Variants in GOLGA8B observed in about 807,000 individuals in gnomAD.
The protein encoded by GOLGA8B is golgin subfamily A member 8B.
Under a neutral mutation model 15.6 loss-of-function variants are expected in GOLGA8B, and 1 was observed. That is an observed-to-expected ratio of 0.06 (90% confidence interval 0.02 to 0.30). The LOEUF is 0.30. GOLGA8B is among the 10% of genes least tolerant of loss of function. The probability of loss-of-function intolerance (pLI) is 1.00; values close to 1 mark genes in which losing one functional copy is unlikely to be tolerated. For missense variants in GOLGA8B, 17 were observed against 201.3 expected, an observed-to-expected ratio of 0.08 and a Z score of 5.54; for synonymous variants, 9 against 80.3, an observed-to-expected ratio of 0.11 and a Z score of 4.75.
intron 3 of GOLGA8B, among the ~76,000 whole-genome samples, chr15:34,552,092 G>A (rs1170441869): frequency 8.6e-6 from 1 of 116,606 alleles, no homozygotes; most frequent in Non-Finnish European, 1.8e-5. Flanking sequence ...TAGAGAGGTG[G>A]AAAATAATCA....
At chr15:34,567,761 A>G (rs2065644399) in intron 1 of GOLGA8B, among the ~76,000 whole-genome samples, 1 of 151,888 alleles carries the variant, frequency 6.6e-6, no homozygotes, top group Non-Finnish European at 1.5e-5. Flanking sequence ...GTTACCATAC[A>G]GATTACTGGT....
chr15:34,525,986 G>C lies in GOLGA8B; in HGVS notation c.*1646C>G, dbSNP rs980132084. The C allele has an allele frequency of 1.3e-5, 2 of 149,240 alleles. No homozygotes were observed. Among genetic ancestry groups the C allele is most frequent in the African/African-American group, 5.0e-5 (2 of 40,322 alleles). The allele number at this position is 149,240 out of a possible 1,614,324, so 9.2% of individuals were successfully genotyped here. ...TGGAACACAGACATTAGAACTTCAT[G>C]AAGTTTTAACTGTTGATTCTTTCCC... On this transcript the variant is annotated 3_prime_UTR_variant, in exon 24 of 24. Coordinates refer to ENST00000683415, the MANE Select transcript of GOLGA8B (RefSeq NM_001023567.5).
In GOLGA8B at chr15:34,525,264, T is replaced by G. The variant is rs1463869973; in HGVS notation, c.*2368A>C. ...TTTTCAAGATGCGCAAAATAAAATTTTAAGGCAAAAACAGCACTTTGCAAC... is the reference window on the plus strand; with the variant it reads ...TTTTCAAGATGCGCAAAATAAAATTGTAAGGCAAAAACAGCACTTTGCAAC... On this transcript the variant is annotated 3_prime_UTR_variant, in exon 24 of 24. Transcript: ENST00000683415. The G allele has an allele frequency of 6.7e-6, 1 of 149,946 alleles. No individual in the cohort carries two copies. The highest frequency in any genetic ancestry group is 6.8e-5 in the Admixed American group (1 of 14,740). The allele number at this position is 149,946 out of a possible 1,614,324, so 9.3% of individuals were successfully genotyped here.
At chr15:34,575,076 A>C (rs1474125426) in intron 1 of GOLGA8B, among the ~76,000 whole-genome samples, 1 of 151,086 alleles carries the variant, frequency 6.6e-6, no homozygotes, top group Non-Finnish European at 1.5e-5. Context: ...GAACAGGGGC[A>C]ATTTAATCTA....
chr15:34,577,215 CAG>C (rs1412859980), intron 1 of GOLGA8B, among the ~76,000 whole-genome samples: 3 of 152,100 alleles, frequency 2.0e-5, no homozygotes, highest in Non-Finnish European at 4.4e-5. Context: ...GACTGAGAAA[CAG>C]AAACTGTGTT....
intron 1 of GOLGA8B, among the ~76,000 whole-genome samples, chr15:34,562,520 T>A (rs2140344241): frequency 8.2e-6 from 1 of 122,450 alleles, no homozygotes; most frequent in East Asian, 2.3e-4. Flanking sequence ...AGATGTAATA[T>A]ATTCACAAGT....
At chr15:34,569,328 C>T (rs1490370521) in intron 1 of GOLGA8B, among the ~76,000 whole-genome samples, 2 of 150,932 alleles carry the variant, frequency 1.3e-5, no homozygotes, top group East Asian at 1.9e-4. Flanking sequence ...GCCTTGGACC[C>T]ACGCCTCCCG....
rs1415964667 is a variant in GOLGA8B, at chr15:34,570,514, C to A, written c.-1123+13002G>T. On this transcript the variant is annotated intron_variant, in intron 1 of 23. Transcript: ENST00000683415. ...CCAGTCAAAGAGCCAACCCACTGAC[C>A]ATGAAGCAGAAAGGCCCTCCTGAGG... Among the ~76,000 whole-genome samples, 3 of 113,452 alleles carry A rather than the reference C, an allele frequency of 2.6e-5. No homozygotes were observed. The East Asian group carries it at 7.0e-4, about 26-fold the overall frequency. The allele number at this position is 113,452 out of a possible 152,430, so 74.4% of individuals were successfully genotyped here. A position where few individuals can be genotyped will look rare whatever the true frequency, so the allele number is the denominator to read the frequency against.
rs868326872 is a variant in GOLGA8B at position 34,565,172 on chromosome 15, G to A, written c.-1122-11216C>T. Among the ~76,000 whole-genome samples, 86 of 124,938 alleles carry A rather than the reference G, an allele frequency of 6.9e-4. 1 individual carries two copies. The highest frequency in any genetic ancestry group is 8.3e-3 in the Middle Eastern group (2 of 242). 82.0% of individuals were successfully genotyped at this position (124,938 alleles called of 152,430 possible). A position where few individuals can be genotyped will look rare whatever the true frequency, so the allele number is the denominator to read the frequency against. On this transcript the variant is annotated intron_variant, in intron 1 of 23. Coordinates refer to ENST00000683415, the MANE Select transcript of GOLGA8B (RefSeq NM_001023567.5). Reference sequence around the variant, plus strand: ...TTTTTTGAGACGGAGTCTCACTCTTGTCGCCCAGGCTGGAGTGCAATGGTG... The same window carrying A: ...TTTTTTGAGACGGAGTCTCACTCTTATCGCCCAGGCTGGAGTGCAATGGTG...
At chr15:34,581,161 T>C (rs1225275111) in intron 1 of GOLGA8B, among the ~76,000 whole-genome samples, 1 of 152,184 alleles carries the variant, frequency 6.6e-6, no homozygotes, top group East Asian at 1.9e-4. Flanking sequence ...CAGACCATGG[T>C]GTCACCTGAG....
rs112808701 is a variant in GOLGA8B, at chr15:34,574,303, C to CT, written c.-1123+9212dup. On this transcript the variant is annotated intron_variant, in intron 1 of 23. Transcript: ENST00000683415. The stretch of plus-strand genomic sequence containing the variant: ...AGAGCTTTCTCTCCTTCAAATCAGA[C>CT]TTTTTTTTTTTTTTTTGAGAGAGAG... Among the ~76,000 whole-genome samples, 1,004 of 144,498 alleles carry CT rather than the reference C, an allele frequency of 6.9e-3. 4 individuals carry two copies. Among genetic ancestry groups the CT allele is most frequent in the Middle Eastern group, 0.032 (9 of 280 alleles). 94.8% of individuals were successfully genotyped at this position (144,498 alleles called of 152,430 possible).
intron 1 of GOLGA8B, among the ~76,000 whole-genome samples, chr15:34,557,025 A>C (rs1055829087): frequency 2.1e-5 from 3 of 142,800 alleles, no homozygotes; most frequent in Non-Finnish European, 3.1e-5. Context: ...CAGACTCAGG[A>C]CTAAAGCCGG....
At chr15:34,559,231 A>C (rs1015280571) in intron 1 of GOLGA8B, among the ~76,000 whole-genome samples, 10 of 147,146 alleles carry the variant, frequency 6.8e-5, no homozygotes, top group Admixed American at 4.9e-4. Context: ...CAGGAAGTAG[A>C]ATGCGGGTGG....
In GOLGA8B at chr15:34,525,760, C is replaced by G. The variant is rs1339192211; in HGVS notation, c.*1872G>C. On this transcript the variant is annotated 3_prime_UTR_variant, in exon 24 of 24. Coordinates refer to ENST00000683415, the MANE Select transcript of GOLGA8B (RefSeq NM_001023567.5). Reference sequence around the variant, plus strand: ...AGTTGAAGTCACAAGGACCCAATATCTGCCCTCTTTCAGTGAATGCCGGCA... The same window carrying G: ...AGTTGAAGTCACAAGGACCCAATATGTGCCCTCTTTCAGTGAATGCCGGCA... The G allele has an allele frequency of 6.7e-6, 1 of 149,550 alleles. No homozygotes were observed. The highest frequency in any genetic ancestry group is 1.5e-5 in the Non-Finnish European group (1 of 67,182). The allele number at this position is 149,550 out of a possible 1,614,324, so 9.3% of individuals were successfully genotyped here. A position where few individuals can be genotyped will look rare whatever the true frequency, so the allele number is the denominator to read the frequency against.
chr15:34,559,924 G>T (rs1168062597), intron 1 of GOLGA8B, among the ~76,000 whole-genome samples: 2 of 149,556 alleles, frequency 1.3e-5, no homozygotes, highest in Non-Finnish European at 3.0e-5. Flanking sequence ...CAGGCCTGTG[G>T]ACCTGCGGAC....
intron 1 of GOLGA8B, among the ~76,000 whole-genome samples, chr15:34,578,015 G>T (rs1167448622): frequency 6.6e-6 from 1 of 152,094 alleles, no homozygotes; most frequent in Non-Finnish European, 1.5e-5. Context: ...TGTCATATAC[G>T]CTATCACTCA....
In GOLGA8B at chr15:34,525,451, G is replaced by C. The variant is rs757829190; in HGVS notation, c.*2181C>G. On this transcript the variant is annotated 3_prime_UTR_variant, in exon 24 of 24. Coordinates refer to ENST00000683415, the MANE Select transcript of GOLGA8B (RefSeq NM_001023567.5). ...ACTTGGCAAACAAAGCTTTGGACTG[G>C]AATTGGCATTTCTTTCTCTACTTTT... The C allele has an allele frequency of 2.7e-4, 40 of 149,800 alleles. 1 individual carries two copies. The highest frequency in any genetic ancestry group is 4.3e-4 in the Non-Finnish European group (29 of 67,260). The allele number at this position is 149,800 out of a possible 1,614,324, so 9.3% of individuals were successfully genotyped here. A position where few individuals can be genotyped will look rare whatever the true frequency, so the allele number is the denominator to read the frequency against.
chr15:34,559,921 G>A (rs1421192523), intron 1 of GOLGA8B, among the ~76,000 whole-genome samples: 2 of 149,522 alleles, frequency 1.3e-5, no homozygotes, highest in Non-Finnish European at 3.0e-5. Context: ...ATTCAGGCCT[G>A]TGGACCTGCG....
At chr15:34,576,046 G>C (rs1889069559) in intron 1 of GOLGA8B, among the ~76,000 whole-genome samples, 1 of 139,298 alleles carries the variant, frequency 7.2e-6, no homozygotes, top group African/African-American at 2.5e-5. Context: ...AGAGGTGAAT[G>C]ACGGGACGGG....
Sources: allele counts gnomAD v4.1 joint callset (sites outside exome capture counted in the v4.1 genomes callset), GRCh38; gene constraint gnomAD v4.1.1; transcripts MANE v1.5; gene names NCBI Gene and HGNC (gene_info 2026-07-23, HGNC 2026-07-21).